LGMN: variants seen among roughly 807,000 people sequenced by gnomAD.
The protein encoded by LGMN is legumain, also known as asparaginyl endopeptidase.
A neutral mutation model predicts 56.8 loss-of-function variants in LGMN; 36 were observed. That is an observed-to-expected ratio of 0.63 (90% CI 0.49 to 0.84). LGMN has a LOEUF of 0.84. Ranked by LOEUF, LGMN falls within the 40% of genes least tolerant of loss-of-function variation. The pLI is 0.00. For synonymous variants in LGMN, 199 were observed against 210.1 expected (o/e 0.95, Z 0.46); for missense variants, 446 against 556.1 (o/e 0.80, Z 1.99).
chr14:92,730,220 G>A (rs1890979885), intron 2 of LGMN, among the ~76,000 whole-genome samples: 1 of 152,086 alleles, frequency 6.6e-6, no homozygotes. Flanking sequence ...CTCTTTACAT[G>A]GGTCAGGTCT....
intron 1 of LGMN, chr14:92,743,077 G>A (rs927232587): frequency 6.6e-6 from 1 of 151,266 alleles, no homozygotes; most frequent in African/African-American, 2.4e-5. Flanking sequence ...AAAAGATATA[G>A]CTACTAACTC....
intron 5 of LGMN, chr14:92,715,720 G>A (rs1419105401): frequency 6.5e-6 from 1 of 154,316 alleles, no homozygotes; most frequent in Non-Finnish European, 1.4e-5. Flanking sequence ...AATATGAAGG[G>A]ACTTACGAAT....
chr14:92,714,082 T>C lies in LGMN; in HGVS notation c.481-197A>G, dbSNP rs961316102. On this transcript the variant is annotated intron_variant, in intron 6 of 13. Coordinates refer to ENST00000334869, the MANE Select transcript of LGMN (RefSeq NM_005606.7). This position sits in a 1 kb window ranked among gnomAD's most constrained non-coding sequence, Gnocchi z 5.1. ...AAAAAGGGCAAGAGGATGTACCTCT[T>C]CACCCATTACTTTGTCCGGAGCTTT... 2.0e-5 allele frequency among the ~76,000 whole-genome samples: 3 copies of C among 152,224 alleles called. No individual in the cohort carries two copies. Among genetic ancestry groups the C allele is most frequent in the Non-Finnish European group, 2.9e-5 (2 of 68,040 alleles).
chr14:92,735,305 CA>C (rs1291906098), intron 1 of LGMN, among the ~76,000 whole-genome samples: 3 of 152,188 alleles, frequency 2.0e-5, no homozygotes, highest in African/African-American at 4.8e-5. Flanking sequence ...CTCCCAGGTT[CA>C]AGCGATTCTC....
Position 92,703,883 on chromosome 14 carries a change from T to G in LGMN, c.*436A>C, listed in dbSNP as rs1889280214. On this transcript the variant is annotated 3_prime_UTR_variant, in exon 14 of 14. Coordinates refer to ENST00000334869, the MANE Select transcript of LGMN (RefSeq NM_005606.7). ...AATTAAATACAAAAGCAATCAAAAA[T>G]CATCATATTTTCTAAAAACAGTTTT... is the stretch of plus-strand genomic sequence containing the variant. The G allele has an allele frequency of 2.3e-6, 1 of 429,392 alleles. No individual in the cohort carries two copies. Among genetic ancestry groups the G allele is most frequent in the Admixed American group, 4.1e-5 (1 of 24,382 alleles). 26.6% of individuals were successfully genotyped at this position (429,392 alleles called of 1,614,324 possible). A position where few individuals can be genotyped will look rare whatever the true frequency, so the allele number is the denominator to read the frequency against.
At chr14:92,737,750 C>A (rs1891369518) in intron 1 of LGMN, among the ~76,000 whole-genome samples, 1 of 152,180 alleles carries the variant, frequency 6.6e-6, no homozygotes, top group Non-Finnish European at 1.5e-5. Flanking sequence ...ATTACTAACC[C>A]ATGAGCCAGT....
rs1889276362 is a variant in LGMN at position 92,703,815 on chromosome 14, TTC to T, written c.*502_*503del. On this transcript the variant is annotated 3_prime_UTR_variant, in exon 14 of 14. Transcript: ENST00000334869. ...TCAGTGTCGGACGTGAATATTTGGGTTCTGTTATAAATCTTTATTTTTTAAGA... is the reference window on the plus strand; with the variant it reads ...TCAGTGTCGGACGTGAATATTTGGGTTGTTATAAATCTTTATTTTTTAAGA... 6.7e-6 allele frequency: 2 copies of T among 296,862 alleles called. No individual in the cohort carries two copies. The highest frequency in any genetic ancestry group is 5.1e-5 in the Admixed American group (1 of 19,744). 18.4% of individuals were successfully genotyped at this position (296,862 alleles called of 1,614,324 possible). A position where few individuals can be genotyped will look rare whatever the true frequency, so the allele number is the denominator to read the frequency against.
In LGMN at chr14:92,745,001, G is replaced by A. The variant is rs1053497233; in HGVS notation, c.-30+3488C>T. ...GGTTAGAACTTAGGTTTCTAGGAAA[G>A]GAAATTTGGGTCAACGGTGGGCACA... On this transcript the variant is annotated intron_variant, in intron 1 of 13. Transcript: ENST00000334869. 5.9e-5 allele frequency among the ~76,000 whole-genome samples: 9 copies of A among 152,244 alleles called. No individual in the cohort carries two copies. In the South Asian group the frequency reaches 1.7e-3, roughly 28 times the overall value.
At chr14:92,737,852 A>G (rs1479450951) in intron 1 of LGMN, among the ~76,000 whole-genome samples, 1 of 152,246 alleles carries the variant, frequency 6.6e-6, no homozygotes, top group Non-Finnish European at 1.5e-5. Flanking sequence ...CCCATAGGTC[A>G]TAGGTTGCTG....
At chr14:92,742,687 G>A (rs1353269572) in intron 1 of LGMN, among the ~76,000 whole-genome samples, 3 of 152,144 alleles carry the variant, frequency 2.0e-5, no homozygotes, top group Admixed American at 6.6e-5. Context: ...CTAGAGCCTG[G>A]AAGTTTGGGA....
chr14:92,709,602 C>T lies in LGMN; in HGVS notation c.1020+70G>A, dbSNP rs1889633892. ...TGGCAGGGAGCATAGGAGGCAGGGC[C>T]GTGCTCATGCATGCTGCCCACCTGG... On this transcript the variant is annotated intron_variant, in intron 11 of 13. Coordinates refer to ENST00000334869, the MANE Select transcript of LGMN (RefSeq NM_005606.7). 25 of 1,260,862 alleles carry T rather than the reference C, an allele frequency of 2.0e-5. 1 individual carries two copies. The highest frequency in any genetic ancestry group is 8.6e-5 in the Admixed American group (5 of 58,240). The allele number at this position is 1,260,862 out of a possible 1,614,324, so 78.1% of individuals were successfully genotyped here.
chr14:92,734,357 C>T (rs79283180), intron 1 of LGMN, among the ~76,000 whole-genome samples: 25 of 152,130 alleles, frequency 1.6e-4, no homozygotes, highest in African/African-American at 6.0e-4. Flanking sequence ...TGGTGGCTCA[C>T]GCCTGCAATC....
intron 3 of LGMN, 35 bp downstream of exon 3, chr14:92,718,712 C>T: frequency 7.1e-7 from 1 of 1,416,388 alleles, no homozygotes; most frequent in Non-Finnish European, 1.0e-6. Context: ...ACCCTGAAGT[C>T]CTTCCCCACC....
rs571589696 is a variant in LGMN, at chr14:92,704,853, C to T, written c.1192-146G>A. 18 of 676,502 alleles carry T rather than the reference C, an allele frequency of 2.7e-5. No homozygotes were observed. The South Asian group carries it at 2.9e-4, about 11-fold the overall frequency. The allele number at this position is 676,502 out of a possible 1,614,324, so 41.9% of individuals were successfully genotyped here. A position where few individuals can be genotyped will look rare whatever the true frequency, so the allele number is the denominator to read the frequency against. On this transcript the variant is annotated intron_variant, in intron 12 of 13. Transcript: ENST00000334869. ...GATCCTTTCCCAACCTTTAGATAAT[C>T]TGGTGATATTTATGGACGATCCCTC...
chr14:92,705,817 G>A (rs1889400748), intron 12 of LGMN, among the ~76,000 whole-genome samples: 1 of 152,070 alleles, frequency 6.6e-6, no homozygotes, highest in African/African-American at 2.4e-5. Context: ...TAGTAGAGAT[G>A]AGGTCTTACC....
intron 2 of LGMN, chr14:92,732,445 A>G: frequency 1.8e-6 from 1 of 556,752 alleles, no homozygotes; most frequent in Non-Finnish European, 3.1e-6. Flanking sequence ...TGTTTTCCAA[A>G]ATGGCTACAC....
At chr14:92,723,281 G>T (rs971064876) in intron 2 of LGMN, among the ~76,000 whole-genome samples, 1 of 151,912 alleles carries the variant, frequency 6.6e-6, no homozygotes, top group African/African-American at 2.4e-5. Flanking sequence ...TCCTGACCTC[G>T]TGATACACCT....
In LGMN at chr14:92,712,828, T is replaced by C. The variant is rs779903227; in HGVS notation, c.587A>G (p.Asn196Ser). The C allele has an allele frequency of 4.0e-5, 65 of 1,613,656 alleles. No homozygotes were observed. Among genetic ancestry groups the C allele is most frequent in the Non-Finnish European group, 5.2e-5 (61 of 1,179,946 alleles). Reference sequence around the variant, plus strand: ...ACCATTGATGTTATCCGGCAGGTGGTTCATCATGGACCCAGACTCACAGGC... The same window carrying C: ...ACCATTGATGTTATCCGGCAGGTGGCTCATCATGGACCCAGACTCACAGGC... ...IEACESGSMM[N>S]HLPDNINVYA... is the part of the protein sequence containing the mutation. Residue 196 changes from asparagine to serine, a missense_variant, in exon 8 of 14, where the codon AAC becomes AGC. Asn to Ser is a conservative substitution (Grantham distance 46). Transcript: ENST00000334869.
chr14:92,747,263 G>A (rs185832068), intron 1 of LGMN, among the ~76,000 whole-genome samples: 33 of 152,148 alleles, frequency 2.2e-4, no homozygotes, highest in African/African-American at 7.2e-4. Context: ...GGAGGCTGAG[G>A]CGGGCGGATC....
Sources: allele counts gnomAD v4.1 joint callset (sites outside exome capture counted in the v4.1 genomes callset), GRCh38; gene constraint gnomAD v4.1.1; non-coding constraint Gnocchi (gnomAD v3.1); transcripts MANE v1.5; gene names NCBI Gene and HGNC (gene_info 2026-07-23, HGNC 2026-07-21).